The following KCNB2 variants were observed in gnomAD, a reference collection of about 807,000 sequenced individuals.
KCNB2 encodes delayed rectifier potassium channel protein.
In KCNB2, 15 loss-of-function variants were observed where a neutral mutation model predicts 61.5. The observed-to-expected ratio is 0.24, with a 90% CI of 0.16 to 0.38. The LOEUF (loss-of-function observed/expected upper bound fraction) is 0.38, where lower values mean the gene tolerates loss of function less well. KCNB2 is among the 10% of genes least tolerant of loss of function. The pLI is 1.00. For synonymous variants in KCNB2, 457 were observed against 446.0 expected, an observed-to-expected ratio of 1.02 and a Z score of -0.31; for missense variants, 828 against 1,125.2, an observed-to-expected ratio of 0.74 and a Z score of 3.78.
In KCNB2 at chr8:72,938,066, G is replaced by T; in HGVS notation, c.2711G>T (p.Cys904Phe). Residue 904 changes from cysteine to phenylalanine, a missense_variant, in exon 3 of 3, where the codon TGT becomes TTT. Physicochemically the swap from Cys to Phe is radical, Grantham distance 205 (BLOSUM62 -2). Around this residue, in one of 4 missense-constraint regions of KCNB2, gnomAD observed 559 missense variants for 588.4 expected, o/e 0.95. Transcript: ENST00000523207. Reference sequence around the variant, plus strand: ...TCCAACCCAGGAGACACAGGTTATTGTCCCACACGTGAAACCAGCATGTGA... The same window carrying T: ...TCCAACCCAGGAGACACAGGTTATTTTCCCACACGTGAAACCAGCATGTGA... ...IHSNPGDTGYCPTRETSM is the reference protein window; with the variant it reads ...IHSNPGDTGYFPTRETSM The T allele has an allele frequency of 1.9e-6, 3 of 1,611,510 alleles. No homozygotes were observed. The highest frequency in any genetic ancestry group is 2.5e-6 in the Non-Finnish European group (3 of 1,178,782).
chr8:72,841,361 CTTTTTTTTTTCTTTT>C (rs1809881261), intron 2 of KCNB2, among the ~76,000 whole-genome samples: 3 of 66,180 alleles, frequency 4.5e-5, no homozygotes, highest in Non-Finnish European at 9.6e-5. Flanking sequence ...GTTTTCTTTT[CTTTTTTTTTTCTTTT>C]TTTTTTTTTT....
chr8:72,795,219 G>C (rs972698368), intron 2 of KCNB2, among the ~76,000 whole-genome samples: 1 of 152,176 alleles, frequency 6.6e-6, no homozygotes, highest in Admixed American at 6.5e-5. Context: ...TTACAAAGTA[G>C]ACAAATAGTG....
chr8:72,846,950 A>G (rs1251350110), intron 2 of KCNB2, among the ~76,000 whole-genome samples: 1 of 152,246 alleles, frequency 6.6e-6, no homozygotes, highest in Non-Finnish European at 1.5e-5. Flanking sequence ...TATAAAACAC[A>G]TGCACATGTA....
chr8:72,710,342 C>A (rs187540117), intron 2 of KCNB2, among the ~76,000 whole-genome samples: 6 of 152,240 alleles, frequency 3.9e-5, no homozygotes, highest in Admixed American at 2.6e-4. Flanking sequence ...TATATCATCT[C>A]TTTCAAATCA....
At chr8:72,721,005 AG>A (rs1446480173) in intron 2 of KCNB2, among the ~76,000 whole-genome samples, 1 of 152,222 alleles carries the variant, frequency 6.6e-6, no homozygotes, top group Non-Finnish European at 1.5e-5. Flanking sequence ...AGCTTTTTAA[AG>A]ATTGGTAAGA....
intron 2 of KCNB2, among the ~76,000 whole-genome samples, chr8:72,905,756 G>T (rs1806166549): frequency 6.6e-6 from 1 of 152,148 alleles, no homozygotes; most frequent in African/African-American, 2.4e-5. Context: ...TTTTCCAAAA[G>T]CCTGACTTTA....
At chr8:72,724,090 A>C (rs1807593925) in intron 2 of KCNB2, among the ~76,000 whole-genome samples, 1 of 151,984 alleles carries the variant, frequency 6.6e-6, no homozygotes, top group South Asian at 2.1e-4. Context: ...TATGAGTTAG[A>C]GCTTCTCATC....
chr8:72,845,880 TG>T (rs1030539967), intron 2 of KCNB2, among the ~76,000 whole-genome samples: 4 of 151,494 alleles, frequency 2.6e-5, no homozygotes, highest in Non-Finnish European at 4.4e-5. Flanking sequence ...CTGGGCTCTG[TG>T]GGGGTAGGAT....
At chr8:72,550,531 AGGGAT>A (rs1806331065) in intron 1 of KCNB2, among the ~76,000 whole-genome samples, 1 of 152,180 alleles carries the variant, frequency 6.6e-6, no homozygotes, top group Non-Finnish European at 1.5e-5. Flanking sequence ...GTATTTTGAA[AGGGAT>A]GGGGAGTAGC....
intron 2 of KCNB2, among the ~76,000 whole-genome samples, chr8:72,639,739 G>A (rs774838071): frequency 1.2e-4 from 18 of 151,974 alleles, no homozygotes; most frequent in Non-Finnish European, 2.1e-4. Flanking sequence ...GTAGGTGCCA[G>A]GCCCGCCGGA....
chr8:72,898,652 T>C (rs1040411407), intron 2 of KCNB2, among the ~76,000 whole-genome samples: 1 of 152,154 alleles, frequency 6.6e-6, no homozygotes, highest in African/African-American at 2.4e-5. Context: ...AGAAATGTAC[T>C]TTTTTATTTT....
chr8:72,898,481 A>G (rs1806029128), intron 2 of KCNB2, among the ~76,000 whole-genome samples: 1 of 152,082 alleles, frequency 6.6e-6, no homozygotes, highest in Non-Finnish European at 1.5e-5. Context: ...CTGACCACTT[A>G]TTTTGTCTGA....
intron 2 of KCNB2, among the ~76,000 whole-genome samples, chr8:72,856,416 C>T (rs1810208674): frequency 1.3e-5 from 2 of 152,006 alleles, no homozygotes; most frequent in Admixed American, 1.3e-4. Context: ...AGATAGTTGG[C>T]ATCCAGGTAA....
intron 2 of KCNB2, chr8:72,750,479 T>C (rs1808170985): frequency 6.6e-6 from 1 of 152,220 alleles, no homozygotes; most frequent in South Asian, 2.1e-4. Flanking sequence ...TGTATCCCAT[T>C]GGTTCTTTGT....
chr8:72,580,056 C>T (rs1392343622), intron 2 of KCNB2, among the ~76,000 whole-genome samples: 2 of 152,102 alleles, frequency 1.3e-5, no homozygotes, highest in Admixed American at 6.5e-5. Context: ...GATGTTGACT[C>T]CACAACTTTT....
At chr8:72,931,349 C>T (rs1244433820) in intron 2 of KCNB2, among the ~76,000 whole-genome samples, 7 of 152,100 alleles carry the variant, frequency 4.6e-5, no homozygotes, top group Non-Finnish European at 2.9e-5. Context: ...TCATTGGTAG[C>T]TTGATGGGGA....
At chr8:72,928,681 GACACACACACACAC>G (rs10606839) in intron 2 of KCNB2, among the ~76,000 whole-genome samples, 11 of 143,836 alleles carry the variant, frequency 7.6e-5, no homozygotes, top group African/African-American at 2.8e-4. Flanking sequence ...CACACACACA[GACACACACACACAC>G]ACACACACAC....
chr8:72,784,711 C>CA (rs1808818954), intron 2 of KCNB2, among the ~76,000 whole-genome samples: 1 of 152,180 alleles, frequency 6.6e-6, no homozygotes, highest in Non-Finnish European at 1.5e-5. Context: ...CATGAGGTCC[C>CA]ACTCCCAACA....
At chr8:72,807,900 C>T (rs576383909) in intron 2 of KCNB2, among the ~76,000 whole-genome samples, 5 of 152,136 alleles carry the variant, frequency 3.3e-5, no homozygotes, top group Non-Finnish European at 7.3e-5. Context: ...AATTTACTTA[C>T]TCTTATTTCT....
Sources: allele counts gnomAD v4.1 joint callset (sites outside exome capture counted in the v4.1 genomes callset), GRCh38; gene constraint gnomAD v4.1.1; regional missense constraint gnomAD v4.1.1; transcripts MANE v1.5; gene names NCBI Gene and HGNC (gene_info 2026-07-23, HGNC 2026-07-21).